VGLL4: variants seen among roughly 807,000 people sequenced by gnomAD.
VGLL4 encodes vestigial like family member 4.
In VGLL4, 7 loss-of-function variants were observed where a neutral mutation model predicts 21.0. The observed-to-expected ratio is 0.33, with a 90% CI of 0.19 to 0.63. The LOEUF is 0.63. VGLL4 is among the 20% of genes least tolerant of loss of function. The pLI is 0.78. For missense variants in VGLL4, 394 were observed against 425.7 expected (o/e 0.93, Z 0.66); for synonymous variants, 222 against 173.2 (o/e 1.28, Z -2.21).
At chr3:11,623,070 C>G (rs1394991642) in intron 1 of VGLL4, among the ~76,000 whole-genome samples, 1 of 152,106 alleles carries the variant, frequency 6.6e-6, no homozygotes, top group East Asian at 1.9e-4. Context: ...TTATGGATTC[C>G]AATGCTGGTG....
At chr3:11,606,031 A>G (rs1439197279) in intron 1 of VGLL4, among the ~76,000 whole-genome samples, 1 of 152,256 alleles carries the variant, frequency 6.6e-6, no homozygotes, top group African/African-American at 2.4e-5. Flanking sequence ...GGTAATTTAT[A>G]AAGAGAAAGA....
intron 2 of VGLL4, among the ~76,000 whole-genome samples, chr3:11,648,971 T>C (rs959296874): frequency 1.6e-4 from 25 of 152,212 alleles, no homozygotes; most frequent in African/African-American, 5.8e-4. Context: ...CACACTAGAC[T>C]GTTTTATGAA....
rs1553732720 is a variant in VGLL4, at chr3:11,623,749, C to CT, written c.82+19687dup. ...AATTTCACCAATCTGTGAAAATTTT[C>CT]TTTTTTTTTTTTTGAGTCAGGATCT... On this transcript the variant is annotated intron_variant, in intron 1 of 4. Transcript: ENST00000430365. Among the ~76,000 whole-genome samples the CT allele has an allele frequency of 8.7e-4, 108 of 123,656 alleles. No homozygotes were observed. The East Asian group carries it at 0.012, about 13-fold the overall frequency. The allele number at this position is 123,656 out of a possible 152,430, so 81.1% of individuals were successfully genotyped here.
At chr3:11,701,784 TTATAA>T in intron 2 of VGLL4, among the ~76,000 whole-genome samples, 1 of 152,236 alleles carries the variant, frequency 6.6e-6, no homozygotes, top group East Asian at 1.9e-4. Flanking sequence ...CTTCGAGAAC[TTATAA>T]TGTATAAAAC....
intron 2 of VGLL4, among the ~76,000 whole-genome samples, chr3:11,693,963 C>T (rs988206839): frequency 8.5e-5 from 13 of 152,106 alleles, no homozygotes; most frequent in African/African-American, 2.7e-4. Context: ...CAGAGAATTA[C>T]GCGCTTAGGT....
chr3:11,569,020 C>T, intron 2 of VGLL4: 2 of 870,336 alleles, frequency 2.3e-6, no homozygotes, highest in Non-Finnish European at 2.8e-6. Flanking sequence ...TTTCTGAGTA[C>T]TGAAAGCCAC....
intron 1 of VGLL4, among the ~76,000 whole-genome samples, chr3:11,707,327 CAAAA>C (rs34222383): frequency 2.3e-5 from 1 of 43,028 alleles, no homozygotes; most frequent in African/African-American, 9.8e-5. Context: ...GACCCTGCCT[CAAAA>C]AAAAAAAAAA....
At chr3:11,573,691 C>G (rs1003613468) in intron 2 of VGLL4, among the ~76,000 whole-genome samples, 1 of 152,224 alleles carries the variant, frequency 6.6e-6, no homozygotes, top group African/African-American at 2.4e-5. Flanking sequence ...TCTTCAGTTA[C>G]CAGCGCAGTT....
At chr3:11,657,322 G>A (rs12374138) in intron 2 of VGLL4, among the ~76,000 whole-genome samples, 51,920 of 152,006 alleles carry the variant, frequency 0.34, 9,854 homozygotes, top group Non-Finnish European at 0.43. Context: ...TAGAATACAC[G>A]ACGGTAACTG....
rs745353831 is a variant in VGLL4 at position 11,565,261 on chromosome 3, G to A, written c.273-242C>T. Among the ~76,000 whole-genome samples, 9 of 152,070 alleles carry A rather than the reference G, an allele frequency of 5.9e-5. No homozygotes were observed. The highest frequency in any genetic ancestry group is 9.7e-5 in the African/African-American group (4 of 41,376). On this transcript the variant is annotated intron_variant, in intron 2 of 4. Coordinates refer to ENST00000430365, the MANE Select transcript of VGLL4 (RefSeq NM_001128219.3). The surrounding 1 kb of genome is among the most constrained non-coding windows in gnomAD (Gnocchi z 4.1). The stretch of plus-strand genomic sequence containing the variant: ...CAGCTCCATAGAAGATGGAGCCCCC[G>A]ACTCAGTGGCGTCCTCTGCCTGACT...
chr3:11,704,153 G>T (rs2076723737), intron 1 of VGLL4, among the ~76,000 whole-genome samples: 1 of 152,224 alleles, frequency 6.6e-6, no homozygotes, highest in African/African-American at 2.4e-5. Context: ...GGCCGAGGCG[G>T]GCAGGTAACC....
intron 2 of VGLL4, among the ~76,000 whole-genome samples, chr3:11,593,875 G>A (rs1008654321): frequency 6.6e-6 from 1 of 152,182 alleles, no homozygotes; most frequent in Non-Finnish European, 1.5e-5. Flanking sequence ...GTTCATTATG[G>A]GTTGCTCAGT....
At chr3:11,620,825 A>G (rs577991284) in intron 1 of VGLL4, among the ~76,000 whole-genome samples, 36 of 152,284 alleles carry the variant, frequency 2.4e-4, no homozygotes, top group African/African-American at 7.5e-4. Context: ...CATGCTCTGT[A>G]AAGATCATCT....
chr3:11,649,900 G>A (rs1393032667), intron 2 of VGLL4, among the ~76,000 whole-genome samples: 1 of 19,148 alleles, frequency 5.2e-5, no homozygotes, highest in Non-Finnish European at 1.0e-4. Flanking sequence ...GCTCTATTTG[G>A]TTTGGTTTGG....
chr3:11,628,698 T>C (rs906945057), intron 1 of VGLL4, among the ~76,000 whole-genome samples: 2 of 152,140 alleles, frequency 1.3e-5, no homozygotes, highest in East Asian at 1.9e-4. Flanking sequence ...CGGGCGCCTG[T>C]AATCCCAGCT....
intron 1 of VGLL4, among the ~76,000 whole-genome samples, chr3:11,608,999 G>A (rs1380548186): frequency 2.0e-5 from 3 of 152,078 alleles, no homozygotes; most frequent in Non-Finnish European, 4.4e-5. Flanking sequence ...GTGTAGCCGG[G>A]ACTACAAGTG....
chr3:11,597,688 C>T (rs62248306), intron 2 of VGLL4, among the ~76,000 whole-genome samples: 8,350 of 152,146 alleles, frequency 0.055, 413 homozygotes, highest in Admixed American at 0.13. Flanking sequence ...CATTTCTTCC[C>T]TGCTATATAA....
chr3:11,651,370 AAAGGGTTT>A (rs1402344008), intron 2 of VGLL4, among the ~76,000 whole-genome samples: 1 of 151,988 alleles, frequency 6.6e-6, no homozygotes, highest in African/African-American at 2.4e-5. Context: ...AAAAGAAAGA[AAAGGGTTT>A]AAGGTAAAAC....
At chr3:11,669,115 T>C (rs2125365142) in intron 2 of VGLL4, among the ~76,000 whole-genome samples, 1 of 152,378 alleles carries the variant, frequency 6.6e-6, no homozygotes, top group South Asian at 2.1e-4. Context: ...CATCCTTGTA[T>C]ACGTGGCACC....
Sources: allele counts gnomAD v4.1 joint callset (sites outside exome capture counted in the v4.1 genomes callset), GRCh38; gene constraint gnomAD v4.1.1; non-coding constraint Gnocchi (gnomAD v3.1); transcripts MANE v1.5; gene names NCBI Gene and HGNC (gene_info 2026-07-23, HGNC 2026-07-21).